LACTB: variants seen among roughly 807,000 people sequenced by gnomAD.
LACTB encodes lactamase beta.
Under a neutral mutation model 50.2 loss-of-function variants are expected in LACTB, and 35 were observed. The observed-to-expected ratio is 0.70, with a 90% CI of 0.53 to 0.92. The LOEUF (loss-of-function observed/expected upper bound fraction) is 0.92. Ranked by LOEUF, LACTB falls within the 40% of genes least tolerant of loss-of-function variation. The pLI, the probability that LACTB is intolerant of heterozygous loss-of-function variation, is 0.00. For missense variants in LACTB, 664 were observed against 691.8 expected, an observed-to-expected ratio of 0.96 and a Z score of 0.45; for synonymous variants, 252 against 268.2, an observed-to-expected ratio of 0.94 and a Z score of 0.59.
chr15:63,123,676 G>A (rs1183699747), intron 2 of LACTB, among the ~76,000 whole-genome samples: 1 of 152,256 alleles, frequency 6.6e-6, no homozygotes, highest in African/African-American at 2.4e-5. Flanking sequence ...GGTCACGTGG[G>A]TCACGTGTCC....
At chr15:63,129,260 T>TA (rs11415795) in intron 4 of LACTB, 144,595 of 323,958 alleles carry the variant, frequency 0.45, 33,874 homozygotes, top group Non-Finnish European at 0.5. Flanking sequence ...TGTGAAATGT[T>TA]AAGTATGCTG....
intron 1 of LACTB, 138 bp from the exon 2 acceptor site, chr15:63,122,498 C>T: frequency 2.5e-6 from 2 of 790,244 alleles, no homozygotes; most frequent in African/African-American, 1.7e-5. Context: ...TGACCATGGC[C>T]TGGGACGAGG....
Position 63,129,624 on chromosome 15 carries a change from C to A in LACTB, c.1092C>A (p.Asn364Lys). 6.2e-7 allele frequency: 1 copy of A among 1,607,656 alleles called. No homozygotes were observed. Among genetic ancestry groups the A allele is most frequent in the Non-Finnish European group, 8.5e-7 (1 of 1,177,216 alleles). ...LDMLTTVQEENEPVIYNRARF... is the reference protein window; with the variant it reads ...LDMLTTVQEEKEPVIYNRARF... ...TGCTGACGACTGTGCAGGAAGAAAA[C>A]GAGCCAGTGATTTACAATAGAGCAA... The change falls in exon 5 of 6, where the codon AAC (asparagine) becomes AAA (lysine). Residue 364 changes from asparagine to lysine, a missense_variant. Asn to Lys is a moderately conservative substitution (Grantham distance 94, BLOSUM62 0). Coordinates refer to ENST00000261893, the MANE Select transcript of LACTB (RefSeq NM_032857.5).
At position 63,133,756 on chromosome 15, in the gene LACTB, A is replaced by G. The variant is rs2037152918; in HGVS notation, c.1118+4106A>G. Among the ~76,000 whole-genome samples the G allele has an allele frequency of 2.0e-5, 3 of 152,242 alleles. No individual in the cohort carries two copies. In the South Asian group the frequency reaches 6.2e-4, roughly 31 times the overall value. On this transcript the variant is annotated intron_variant, in intron 5 of 5. Coordinates refer to ENST00000261893, the MANE Select transcript of LACTB (RefSeq NM_032857.5). ...ATACAGATTTCTTGTCTGAACTGGT[A>G]TACTTCAAAAAACACACATGGAAGT...
At chr15:63,136,418 GT>G (rs1450640490) in intron 5 of LACTB, among the ~76,000 whole-genome samples, 2 of 151,606 alleles carry the variant, frequency 1.3e-5, no homozygotes, top group African/African-American at 4.8e-5. Context: ...TTTTGGTTTG[GT>G]TTTTTTGTTT....
chr15:63,138,090 T>A (rs1407931012), intron 5 of LACTB, among the ~76,000 whole-genome samples: 1 of 151,586 alleles, frequency 6.6e-6, no homozygotes, highest in East Asian at 1.9e-4. Context: ...CTTTGGGAGG[T>A]GGAGGCAGGT....
In LACTB at chr15:63,127,016, C is replaced by T. The variant is rs1435281041; in HGVS notation, c.582C>T (p.Pro194=). ...ATATTCCAGTACAACATTATGTTCC[C>T]GAATTCCCAGAAAAAGAATATGAAG... ...DLDIPVQHYV[P]EFPEKEYEGE... is the part of the protein sequence containing the mutation. Residue 194 remains proline, a synonymous_variant, in exon 3 of 6, where the codon CCC becomes CCT. Coordinates refer to ENST00000261893, the MANE Select transcript of LACTB (RefSeq NM_032857.5). 1.2e-5 allele frequency: 20 copies of T among 1,607,198 alleles called. No homozygotes were observed. Among genetic ancestry groups the T allele is most frequent in the East Asian group, 1.1e-4 (5 of 44,732 alleles).
intron 2 of LACTB, among the ~76,000 whole-genome samples, chr15:63,123,539 G>C (rs990732542): frequency 3.3e-5 from 5 of 150,900 alleles, no homozygotes; most frequent in Non-Finnish European, 5.9e-5. Flanking sequence ...AGCTGGGCCC[G>C]GGGGACCGCT....
chr15:63,134,511 G>A (rs979443667), intron 5 of LACTB, among the ~76,000 whole-genome samples: 3 of 152,088 alleles, frequency 2.0e-5, no homozygotes, highest in African/African-American at 7.2e-5. Flanking sequence ...CCCTGCAGGT[G>A]CCCCAGCCTC....
chr15:63,136,387 T>C lies in LACTB; in HGVS notation c.1119-4893T>C, dbSNP rs2037177550. 1.3e-5 allele frequency among the ~76,000 whole-genome samples: 2 copies of C among 152,146 alleles called. 1 individual carries two copies. Among genetic ancestry groups the C allele is most frequent in the South Asian group, 4.1e-4 (2 of 4,826 alleles). On this transcript the variant is annotated intron_variant, in intron 5 of 5. Transcript: ENST00000261893. ...GGGTTTCTATCTCTAGTGTTAAGGG[T>C]CCCTATCAGCTCTGAGATGCTTTTG...
Position 63,121,977 on chromosome 15 carries a change from C to A in LACTB, c.106C>A (p.Leu36Ile). Reference sequence around the variant, plus strand: ...CCATCAGCGCGCCGGGCTGCCGCCTCTCGGCCACGGCTGGGTCGGGGGCCT... The same window carrying A: ...CCATCAGCGCGCCGGGCTGCCGCCTATCGGCCACGGCTGGGTCGGGGGCCT... ...GVHQRAGLPP[L>I]GHGWVGGLGL... is the part of the protein sequence containing the mutation. The change falls in exon 1 of 6, where the codon CTC becomes ATC. Residue 36 changes from leucine to isoleucine, a missense_variant. Physicochemically the swap from Leu to Ile is conservative, Grantham distance 5. Transcript: ENST00000261893. 1 of 1,370,716 alleles carries A rather than the reference C, an allele frequency of 7.3e-7. No homozygotes were observed. Among genetic ancestry groups the A allele is most frequent in the East Asian group, 3.0e-5 (1 of 33,320 alleles). 84.9% of individuals were successfully genotyped at this position (1,370,716 alleles called of 1,614,324 possible).
intron 5 of LACTB, among the ~76,000 whole-genome samples, chr15:63,140,167 G>A (rs888438798): frequency 6.6e-6 from 1 of 152,170 alleles, no homozygotes; most frequent in African/African-American, 2.4e-5. Flanking sequence ...GTAACTTTTA[G>A]ATTTAATTTT....
At position 63,127,044 on chromosome 15, in the gene LACTB, G is replaced by A; in HGVS notation, c.610G>A (p.Glu204Lys). ...ATTCCCAGAAAAAGAATATGAAGGTGAAAAGGTACTGAAACTCACAGTTCA... is the reference window on the plus strand; with the variant it reads ...ATTCCCAGAAAAAGAATATGAAGGTAAAAAGGTACTGAAACTCACAGTTCA... The part of the protein sequence containing the change: ...PEFPEKEYEG[E>K]KVSVTTRLLI... The change falls in exon 3 of 6, where the codon GAA (glutamate) becomes AAA (lysine). Residue 204 changes from glutamate to lysine, a missense_variant. By Grantham distance (56) the Glu-to-Lys change is moderately conservative. Transcript: ENST00000261893. 6.3e-7 allele frequency: 1 copy of A among 1,590,656 alleles called. No homozygotes were observed. The highest frequency in any genetic ancestry group is 8.6e-7 in the Non-Finnish European group (1 of 1,165,196).
At position 63,141,624 on chromosome 15, in the gene LACTB, G is replaced by A. The variant is rs2037229940; in HGVS notation, c.1463G>A (p.Gly488Glu). The change falls in exon 6 of 6, where the codon GGG becomes GAG. Residue 488 changes from glycine (G) to glutamate (E), a missense_variant. Physicochemically the swap from Gly to Glu is moderately conservative, Grantham distance 98. Transcript: ENST00000261893. The stretch of plus-strand genomic sequence containing the variant: ...CGGCATTATGCTTCACATACTGGAG[G>A]GGCAGTGGGTGCCAGTAGTGTCCTG... ...KQRHYASHTG[G>E]AVGASSVLLV... 1 of 1,614,180 alleles carries A rather than the reference G, an allele frequency of 6.2e-7. No individual in the cohort carries two copies. Among genetic ancestry groups the A allele is most frequent in the Non-Finnish European group, 8.5e-7 (1 of 1,180,026 alleles).
chr15:63,126,725 G>T (rs2037057641), intron 2 of LACTB, 134 bp from the exon 3 acceptor site: 2 of 478,184 alleles, frequency 4.2e-6, no homozygotes, highest in South Asian at 5.9e-5. Flanking sequence ...CCAGTGTTAA[G>T]TAACTTATAA....
At chr15:63,128,159 A>G (rs1159109652) in intron 4 of LACTB, among the ~76,000 whole-genome samples, 1 of 152,198 alleles carries the variant, frequency 6.6e-6, no homozygotes, top group Non-Finnish European at 1.5e-5. Context: ...TTTGGTGCCT[A>G]TTGAAGCTAC....
chr15:63,137,855 C>A (rs955109065), intron 5 of LACTB, among the ~76,000 whole-genome samples: 1 of 152,126 alleles, frequency 6.6e-6, no homozygotes, highest in African/African-American at 2.4e-5. Context: ...ATATCAAGCT[C>A]TTTTTCATGC....
intron 2 of LACTB, among the ~76,000 whole-genome samples, chr15:63,125,237 A>T (rs2037035789): frequency 6.7e-6 from 1 of 149,262 alleles, no homozygotes; most frequent in African/African-American, 2.5e-5. Context: ...GTGCGATCTC[A>T]GCTCACCACA....
chr15:63,141,466 C>T lies in LACTB; in HGVS notation c.1305C>T (p.Leu435=), dbSNP rs1595719259. The change falls in exon 6 of 6, where the codon CTC becomes CTT. Residue 435 remains leucine (L), a synonymous_variant. Transcript: ENST00000261893. ...NSNENLLPGY[L]KPETMVMMWT... ...ATGAAAATCTTTTACCTGGATACCT[C>T]AAACCAGAAACAATGGTTATGATGT... 6.2e-7 allele frequency: 1 copy of T among 1,614,174 alleles called. No homozygotes were observed. The highest frequency in any genetic ancestry group is 8.5e-7 in the Non-Finnish European group (1 of 1,180,022).
Sources: allele counts gnomAD v4.1 joint callset (sites outside exome capture counted in the v4.1 genomes callset), GRCh38; gene constraint gnomAD v4.1.1; transcripts MANE v1.5; gene names NCBI Gene and HGNC (gene_info 2026-07-23, HGNC 2026-07-21).